The following CYREN variants were observed in gnomAD, a reference collection of about 807,000 sequenced individuals.
The protein encoded by CYREN is cell cycle regulator of non-homologous end joining.
In CYREN, 7 loss-of-function variants were observed where a neutral mutation model predicts 9.7. The ratio of observed to expected loss-of-function variants is 0.72; its 90% CI spans 0.41 to 1.36. The LOEUF (loss-of-function observed/expected upper bound fraction) is 1.36. CYREN is among the 40% of genes most tolerant of loss of function. The pLI is 0.01. For synonymous variants in CYREN, 76 were observed against 77.9 expected (o/e 0.98, Z 0.13); for missense variants, 215 against 198.1 (o/e 1.09, Z -0.51).
intron 2 of CYREN, among the ~76,000 whole-genome samples, chr7:135,116,376 C>T (rs1472003170): frequency 9.9e-5 from 15 of 152,154 alleles, no homozygotes; most frequent in Admixed American, 9.2e-4. Flanking sequence ...GACCAATATA[C>T]TTAATATACA....
At chr7:135,157,505 G>A (rs1296912465) in intron 2 of CYREN, among the ~76,000 whole-genome samples, 1 of 152,250 alleles carries the variant, frequency 6.6e-6, no homozygotes, top group Non-Finnish European at 1.5e-5. Flanking sequence ...AGCTTACGCT[G>A]CTCTGGTGGT....
At chr7:135,132,237 T>C (rs2117350001) in intron 2 of CYREN, among the ~76,000 whole-genome samples, 1 of 152,246 alleles carries the variant, frequency 6.6e-6, no homozygotes, top group South Asian at 2.1e-4. Context: ...AGATTTTGCA[T>C]AAATATAGAT....
chr7:135,096,616 G>GATAC, intron 2 of CYREN, among the ~76,000 whole-genome samples: 1 of 148,754 alleles, frequency 6.7e-6, no homozygotes, highest in South Asian at 2.1e-4. Context: ...TAGATAGATA[G>GATAC]ATAGATAGGG....
At chr7:135,103,084 C>T (rs748908155) in intron 2 of CYREN, among the ~76,000 whole-genome samples, 2 of 152,140 alleles carry the variant, frequency 1.3e-5, no homozygotes, top group Non-Finnish European at 2.9e-5. Flanking sequence ...CACAATACTC[C>T]GGCAGAATCC....
At chr7:135,146,130 C>T (rs183132813) in intron 2 of CYREN, among the ~76,000 whole-genome samples, 81 of 152,226 alleles carry the variant, frequency 5.3e-4, no homozygotes, top group African/African-American at 1.9e-3. Flanking sequence ...ATTGTAGGGA[C>T]ATTAATTGGC....
intron 2 of CYREN, among the ~76,000 whole-genome samples, chr7:135,117,716 T>C (rs1240229301): frequency 6.6e-6 from 1 of 152,248 alleles, no homozygotes; most frequent in Non-Finnish European, 1.5e-5. Flanking sequence ...ATTTGCTTGC[T>C]GCTTTCCTAC....
At chr7:135,119,576 C>T (rs1035424266) in intron 2 of CYREN, among the ~76,000 whole-genome samples, 2 of 149,918 alleles carry the variant, frequency 1.3e-5, no homozygotes, top group South Asian at 2.2e-4. Context: ...AAAGAAAAAA[C>T]TATCGAAAGG....
chr7:135,117,295 T>A (rs948164690), intron 2 of CYREN, among the ~76,000 whole-genome samples: 1 of 152,232 alleles, frequency 6.6e-6, no homozygotes, highest in Non-Finnish European at 1.5e-5. Flanking sequence ...AATCATCTTG[T>A]TAACATGCAA....
chr7:135,111,739 C>G (rs1463788271), intron 2 of CYREN, among the ~76,000 whole-genome samples: 1 of 152,138 alleles, frequency 6.6e-6, no homozygotes, highest in South Asian at 2.1e-4. Context: ...TAGGACATCA[C>G]CTCTGCCTAA....
chr7:135,125,934 A>G (rs1274045457), intron 2 of CYREN, among the ~76,000 whole-genome samples: 1 of 152,222 alleles, frequency 6.6e-6, no homozygotes, highest in Non-Finnish European at 1.5e-5. Flanking sequence ...TATAGCCAAT[A>G]TCATATTGAA....
At chr7:135,114,110 G>T (rs997563080) in intron 2 of CYREN, among the ~76,000 whole-genome samples, 1 of 23,572 alleles carries the variant, frequency 4.2e-5, no homozygotes, top group Non-Finnish European at 7.8e-5. Context: ...CAATGAACAC[G>T]TGTGTTGCTT....
chr7:135,096,558 A>AAGAAAGAAAGAAAGATAGAT (rs1303741491), intron 2 of CYREN, among the ~76,000 whole-genome samples: 1 of 79,726 alleles, frequency 1.3e-5, no homozygotes, highest in Non-Finnish European at 2.6e-5. Context: ...GAAAGAAAGA[A>AAGAAAGAAAGAAAGATAGAT]AGATAGATAG....
intron 2 of CYREN, among the ~76,000 whole-genome samples, chr7:135,100,465 AATAGG>A (rs1415438023): frequency 6.6e-6 from 1 of 152,220 alleles, no homozygotes; most frequent in African/African-American, 2.4e-5. Context: ...TGGATGGTGG[AATAGG>A]TAACCATAGG....
At chr7:135,164,515 T>C (rs959259544), downstream of CYREN, 7 of 1,613,508 alleles carry the variant, frequency 4.3e-6, no homozygotes, top group African/African-American at 6.7e-5. Context: ...ATTGTGGTCA[T>C]CTGCCTGATG....
chr7:135,099,580 A>T (rs1233052610), intron 2 of CYREN, among the ~76,000 whole-genome samples: 1 of 152,190 alleles, frequency 6.6e-6, no homozygotes, highest in Non-Finnish European at 1.5e-5. Flanking sequence ...TTGAGGTAGG[A>T]GAACTGTACT....
At chr7:135,115,731 A>G (rs1467743990) in intron 2 of CYREN, 1 of 812,570 alleles carries the variant, frequency 1.2e-6, no homozygotes, top group Non-Finnish European at 1.9e-6. Context: ...TGTCAGCTCC[A>G]TCACATTTGG....
intron 2 of CYREN, among the ~76,000 whole-genome samples, chr7:135,096,767 G>GAAAGAA (rs1822929436): frequency 6.8e-6 from 1 of 146,786 alleles, no homozygotes; most frequent in Non-Finnish European, 1.5e-5. Context: ...AAGAAAGAAA[G>GAAAGAA]AAAGAAAGAA....
chr7:135,100,701 T>C (rs1563265221), intron 2 of CYREN, among the ~76,000 whole-genome samples: 1 of 152,238 alleles, frequency 6.6e-6, no homozygotes, highest in Admixed American at 6.5e-5. Context: ...ATTGGTTATT[T>C]TAAACTGACT....
intron 2 of CYREN, among the ~76,000 whole-genome samples, chr7:135,123,206 C>G (rs2117261068): frequency 6.6e-6 from 1 of 152,232 alleles, no homozygotes; most frequent in African/African-American, 2.4e-5. Flanking sequence ...ACATAAATGA[C>G]CTGGTGGAGC....
Sources: allele counts gnomAD v4.1 joint callset (sites outside exome capture counted in the v4.1 genomes callset), GRCh38; gene constraint gnomAD v4.1.1; transcripts MANE v1.5; gene names NCBI Gene and HGNC (gene_info 2026-07-23, HGNC 2026-07-21).